IQCM: variants seen among roughly 807,000 people sequenced by gnomAD.
IQCM encodes IQ domain-containing protein M.
In IQCM, 45 loss-of-function variants were observed where a neutral mutation model predicts 57.6. That is an observed-to-expected ratio of 0.78 (90% CI 0.62 to 1.00). IQCM has a LOEUF of 1.00. IQCM is among the 50% of genes least tolerant of loss of function. The probability of loss-of-function intolerance (pLI) is 0.00; values close to 1 mark genes in which losing one functional copy is unlikely to be tolerated. For missense variants in IQCM, 468 were observed against 511.6 expected (o/e 0.91, Z 0.82); for synonymous variants, 148 against 158.9 (o/e 0.93, Z 0.51).
chr4:149,608,699 T>C (rs1410005393), intron 8 of IQCM, among the ~76,000 whole-genome samples: 14 of 151,734 alleles, frequency 9.2e-5, no homozygotes, highest in Admixed American at 9.2e-4. Context: ...AATTGAAAAC[T>C]TTCTTGAAAC....
intron 12 of IQCM, among the ~76,000 whole-genome samples, chr4:149,547,507 T>A (rs1242636157): frequency 6.6e-6 from 1 of 152,156 alleles, no homozygotes; most frequent in Non-Finnish European, 1.5e-5. Context: ...ATTAAGGAGA[T>A]GTTGGTCAAA....
At chr4:149,396,917 T>C (rs531819056) in intron 13 of IQCM, among the ~76,000 whole-genome samples, 1 of 152,160 alleles carries the variant, frequency 6.6e-6, no homozygotes, top group East Asian at 1.9e-4. Flanking sequence ...TTGAATAATG[T>C]ATATACATTA....
Position 149,619,104 on chromosome 4 carries a change from AT to A in IQCM, c.681+2024del, listed in dbSNP as rs1756063524. On this transcript the variant is annotated intron_variant, in intron 8 of 13. Coordinates refer to ENST00000636793, the MANE Select transcript of IQCM (RefSeq NM_001363507.2). ...TAGATGACTGGATTAAAAATGTGGG[AT>A]GGATATATATATATATATATATATA... is the stretch of plus-strand genomic sequence containing the variant. Among the ~76,000 whole-genome samples the A allele has an allele frequency of 6.3e-5, 7 of 110,978 alleles. No individual in the cohort carries two copies. The South Asian group carries it at 2.7e-3, about 43-fold the overall frequency. The allele number at this position is 110,978 out of a possible 152,430, so 72.8% of individuals were successfully genotyped here.
chr4:149,687,095 G>T (rs1762594671), intron 5 of IQCM, among the ~76,000 whole-genome samples: 1 of 151,498 alleles, frequency 6.6e-6, no homozygotes, highest in Non-Finnish European at 1.5e-5. Context: ...ATATTATCAG[G>T]TAACTATTGA....
chr4:149,545,090 C>T (rs1748256770), intron 12 of IQCM, among the ~76,000 whole-genome samples: 1 of 151,980 alleles, frequency 6.6e-6, no homozygotes, highest in African/African-American at 2.4e-5. Flanking sequence ...TAGTCCCAGC[C>T]ACTTGGGAGG....
intron 7 of IQCM, among the ~76,000 whole-genome samples, chr4:149,669,970 G>C (rs1761107685): frequency 6.6e-6 from 1 of 152,204 alleles, no homozygotes; most frequent in Admixed American, 6.5e-5. Context: ...GCTCTTTTTT[G>C]GTTGCATATG....
At chr4:149,485,319 C>T (rs1453334498) in intron 12 of IQCM, among the ~76,000 whole-genome samples, 3 of 151,962 alleles carry the variant, frequency 2.0e-5, no homozygotes, top group Non-Finnish European at 4.4e-5. Flanking sequence ...CTTCCCCTAC[C>T]TCTCTTTAAA....
At chr4:149,671,077 G>C (rs1454681722) in intron 7 of IQCM, among the ~76,000 whole-genome samples, 1 of 151,700 alleles carries the variant, frequency 6.6e-6, no homozygotes, top group African/African-American at 2.4e-5. Flanking sequence ...GCTCCTATTT[G>C]TACCTCTGGT....
intron 13 of IQCM, among the ~76,000 whole-genome samples, chr4:149,400,217 T>C (rs566175806): frequency 5.3e-5 from 8 of 151,644 alleles, no homozygotes; most frequent in South Asian, 4.2e-4. Context: ...TTTTTTTTTG[T>C]TTGGGTTTTT....
At chr4:149,708,593 A>G (rs968195295) in intron 5 of IQCM, among the ~76,000 whole-genome samples, 1 of 151,992 alleles carries the variant, frequency 6.6e-6, no homozygotes, top group Non-Finnish European at 1.5e-5. Context: ...GCTTTAAAGA[A>G]ATGCAAATTC....
chr4:149,404,419 T>C (rs1732835418), intron 13 of IQCM, among the ~76,000 whole-genome samples: 1 of 152,036 alleles, frequency 6.6e-6, no homozygotes, highest in African/African-American at 2.4e-5. Context: ...CACAGAAAAG[T>C]TTCTGGGCTC....
intron 7 of IQCM, among the ~76,000 whole-genome samples, chr4:149,662,621 C>T (rs1411823739): frequency 2.0e-5 from 3 of 151,956 alleles, no homozygotes; most frequent in Non-Finnish European, 4.4e-5. Flanking sequence ...ACAATTGTTA[C>T]ATCCTCTTGT....
intron 7 of IQCM, among the ~76,000 whole-genome samples, chr4:149,680,920 G>A (rs1762129548): frequency 6.6e-6 from 1 of 151,254 alleles, no homozygotes; most frequent in Non-Finnish European, 1.5e-5. Context: ...AGACTTAAAT[G>A]AATTTCAACA....
intron 7 of IQCM, among the ~76,000 whole-genome samples, chr4:149,632,002 A>C (rs1262215890): frequency 6.6e-6 from 1 of 152,214 alleles, no homozygotes; most frequent in Non-Finnish European, 1.5e-5. Context: ...TAATCTGATA[A>C]AATCAAATCT....
chr4:149,743,059 C>T (rs138677740), intron 2 of IQCM, among the ~76,000 whole-genome samples: 6 of 152,252 alleles, frequency 3.9e-5, no homozygotes, highest in African/African-American at 1.4e-4. Context: ...AGGTAAGAAG[C>T]TATGTAGTGG....
intron 12 of IQCM, among the ~76,000 whole-genome samples, chr4:149,534,839 A>G (rs1476503247): frequency 6.6e-6 from 1 of 152,134 alleles, no homozygotes; most frequent in Non-Finnish European, 1.5e-5. Flanking sequence ...TCATGGCTCT[A>G]GAGGTAACCT....
intron 7 of IQCM, among the ~76,000 whole-genome samples, chr4:149,666,975 G>A (rs1760787056): frequency 6.6e-6 from 1 of 152,148 alleles, no homozygotes; most frequent in Non-Finnish European, 1.5e-5. Flanking sequence ...AGAGCACCTG[G>A]GGGAAGGGAC....
chr4:149,473,375 T>A (rs1739801721), intron 12 of IQCM, among the ~76,000 whole-genome samples: 1 of 152,046 alleles, frequency 6.6e-6, no homozygotes, highest in South Asian at 2.1e-4. Flanking sequence ...CATGAAAAAA[T>A]GTTCATCATC....
At chr4:149,674,017 G>T (rs1761537888) in intron 7 of IQCM, among the ~76,000 whole-genome samples, 1 of 151,942 alleles carries the variant, frequency 6.6e-6, no homozygotes, top group Non-Finnish European at 1.5e-5. Context: ...TGCCAGTTTG[G>T]TCAGGTTTTA....
Sources: allele counts gnomAD v4.1 joint callset (sites outside exome capture counted in the v4.1 genomes callset), GRCh38; gene constraint gnomAD v4.1.1; transcripts MANE v1.5; gene names NCBI Gene and HGNC (gene_info 2026-07-23, HGNC 2026-07-21).